GPC3: variants seen among roughly 807,000 people sequenced by gnomAD.
The protein encoded by GPC3 is glypican-3.
Under a neutral mutation model 34.4 loss-of-function variants are expected in GPC3, and 3 were observed. The ratio of observed to expected loss-of-function variants is 0.09; its 90% CI spans 0.04 to 0.23. The LOEUF is 0.23. GPC3 is among the 10% of genes least tolerant of loss of function. The probability of loss-of-function intolerance (pLI) is 1.00; values close to 1 mark genes in which losing one functional copy is unlikely to be tolerated. For synonymous variants in GPC3, 177 were observed against 174.0 expected, an observed-to-expected ratio of 1.02 and a Z score of -0.13; for missense variants, 351 against 445.6, an observed-to-expected ratio of 0.79 and a Z score of 1.91.
At chrX:133,721,266 G>A (rs941544179) in intron 3 of GPC3, among the ~76,000 whole-genome samples, 5 of 109,087 alleles carry the variant, frequency 4.6e-5, no homozygotes, top group African/African-American at 1.7e-4. Context: ...AAACCTTTAG[G>A]TAGATTGATA....
intron 3 of GPC3, among the ~76,000 whole-genome samples, chrX:133,747,217 T>C (rs1345792780): frequency 8.9e-6 from 1 of 111,751 alleles, no homozygotes; most frequent in African/African-American, 3.3e-5. Context: ...TATGTGTTGG[T>C]CCAATCGGCA....
rs755223779 is a variant in GPC3, at chrX:133,576,618, A to G, written c.1573+19822T>C. 4.5e-5 allele frequency among the ~76,000 whole-genome samples: 5 copies of G among 111,076 alleles called. No individual in the cohort carries two copies. The South Asian group carries it at 1.9e-3, about 42-fold the overall frequency. ...TCTGAAACTCAGTTTTCTCCTCTCT[A>G]AGAGCTAATATTAAAGTCTACCTTA... On this transcript the variant is annotated intron_variant, in intron 7 of 7. Transcript: ENST00000370818.
chrX:133,864,788 G>A (rs954720029), intron 2 of GPC3, among the ~76,000 whole-genome samples: 45 of 112,914 alleles, frequency 4.0e-4, no homozygotes, highest in African/African-American at 1.4e-3. Context: ...ATTCAAATAT[G>A]AGTGTGAAAC....
At chrX:133,924,312 A>G (rs1221497364) in intron 2 of GPC3, among the ~76,000 whole-genome samples, 1 of 111,274 alleles carries the variant, frequency 9.0e-6, no homozygotes, top group Non-Finnish European at 1.9e-5. Flanking sequence ...AAACTCCTCC[A>G]TAATGGATTT....
intron 6 of GPC3, among the ~76,000 whole-genome samples, chrX:133,637,783 C>T (rs2070443790): frequency 9.0e-6 from 1 of 110,876 alleles, no homozygotes; most frequent in African/African-American, 3.3e-5. Context: ...GCTGGGAACA[C>T]AGATGCATGC....
chrX:133,671,089 T>A lies in GPC3; in HGVS notation c.1293-9239A>T, dbSNP rs1414608870. On this transcript the variant is annotated intron_variant, in intron 5 of 7. Transcript: ENST00000370818. Reference sequence around the variant, plus strand: ...AAGGCAACAGTGCCTAAGACAGAAATTTAGAGTGCCTAAGACAGGAAAAAC... The same window carrying A: ...AAGGCAACAGTGCCTAAGACAGAAAATTAGAGTGCCTAAGACAGGAAAAAC... The A allele has an allele frequency of 8.9e-6, 6 of 670,851 alleles. No homozygotes were observed. The African/African-American group carries it at 1.1e-4, about 12-fold the overall frequency. The allele number at this position is 670,851 out of a possible 1,213,427, so 55.3% of individuals were successfully genotyped here. A position where few individuals can be genotyped will look rare whatever the true frequency, so the allele number is the denominator to read the frequency against.
chrX:133,774,449 C>T (rs2071955043), intron 2 of GPC3, among the ~76,000 whole-genome samples: 1 of 111,040 alleles, frequency 9.0e-6, no homozygotes, highest in South Asian at 3.8e-4. Flanking sequence ...CATATAATCT[C>T]CCTACTGATA....
intron 2 of GPC3, among the ~76,000 whole-genome samples, chrX:133,853,325 T>G (rs1323300396): frequency 8.9e-6 from 1 of 112,002 alleles, no homozygotes; most frequent in Non-Finnish European, 1.9e-5. Context: ...ATCTCCCTCC[T>G]CTAGTCTCCT....
At chrX:133,857,120 C>A (rs749751930) in intron 2 of GPC3, among the ~76,000 whole-genome samples, 167 of 111,303 alleles carry the variant, frequency 1.5e-3, no homozygotes, top group Middle Eastern at 4.2e-3. Flanking sequence ...TCTCTACAGA[C>A]GACTCCCAAA....
intron 5 of GPC3, among the ~76,000 whole-genome samples, chrX:133,688,514 T>C (rs187825757): frequency 1.1e-3 from 128 of 112,007 alleles, no homozygotes; most frequent in African/African-American, 3.7e-3. Flanking sequence ...CTTTAAAAGT[T>C]GAGTGATCGA....
intron 2 of GPC3, among the ~76,000 whole-genome samples, chrX:133,860,244 A>G (rs2075929610): frequency 1.8e-5 from 2 of 111,807 alleles, no homozygotes; most frequent in South Asian, 7.6e-4. Context: ...TTAAATCCTC[A>G]TAACAACCCT....
chrX:133,719,726 AAACTG>A (rs1193835782), intron 3 of GPC3, among the ~76,000 whole-genome samples: 1 of 112,762 alleles, frequency 8.9e-6, no homozygotes, highest in African/African-American at 3.2e-5. Context: ...GGACCTAATT[AAACTG>A]AAAAGCTTCT....
At chrX:133,657,009 C>G in intron 6 of GPC3, among the ~76,000 whole-genome samples, 1 of 111,918 alleles carries the variant, frequency 8.9e-6, no homozygotes, top group Non-Finnish European at 1.9e-5. Context: ...TCCACTCCCC[C>G]ACCATTCAGC....
intron 1 of GPC3, among the ~76,000 whole-genome samples, chrX:133,953,902 T>C (rs1413806284): frequency 3.6e-5 from 4 of 111,894 alleles, no homozygotes; most frequent in Non-Finnish European, 7.5e-5. Context: ...CAAAAGGTGA[T>C]AAATACTATA....
At position 133,605,716 on chromosome X, in the gene GPC3, G is replaced by T. The variant is rs370893119; in HGVS notation, c.1414-9117C>A. On this transcript the variant is annotated intron_variant, in intron 6 of 7. Transcript: ENST00000370818. ...AAGAGGGGTAGTAGTAGCAGCCATA[G>T]CAGCAGACATAAGAGCTTGTTACAA... Among the ~76,000 whole-genome samples, 10 of 111,860 alleles carry T rather than the reference G, an allele frequency of 8.9e-5. No individual in the cohort carries two copies. The East Asian group carries it at 1.7e-3, about 19-fold the overall frequency.
chrX:133,749,890 C>T (rs2071647067), intron 3 of GPC3, among the ~76,000 whole-genome samples: 1 of 111,112 alleles, frequency 9.0e-6, no homozygotes, highest in African/African-American at 3.3e-5. Flanking sequence ...GCTCCGACTC[C>T]CCCTCGCCCT....
chrX:133,796,452 C>A (rs1034652361), intron 2 of GPC3, among the ~76,000 whole-genome samples: 46 of 112,115 alleles, frequency 4.1e-4, no homozygotes, highest in Non-Finnish European at 9.4e-5. Context: ...AAAGGAGGAA[C>A]TGGGAGAAGA....
intron 1 of GPC3, among the ~76,000 whole-genome samples, chrX:133,961,153 G>T (rs2076439620): frequency 9.0e-6 from 1 of 111,417 alleles, no homozygotes; most frequent in African/African-American, 3.3e-5. Context: ...ATCATCTTAG[G>T]GAACCCAGCT....
At chrX:133,977,350 GTA>G (rs2124650396) in intron 1 of GPC3, among the ~76,000 whole-genome samples, 1 of 112,366 alleles carries the variant, frequency 8.9e-6, no homozygotes, top group Admixed American at 9.4e-5. Flanking sequence ...TACAGATAAA[GTA>G]TTTCTCTGAA....
Sources: gnomAD v4.1 joint callset for allele counts (sites outside exome capture counted in the v4.1 genomes callset) on GRCh38, gnomAD v4.1.1 for gene constraint, MANE v1.5 for transcripts, NCBI Gene and HGNC (gene_info 2026-07-23, HGNC 2026-07-21) for gene names.